Variants in DZIP1L observed in about 807,000 individuals in gnomAD.
DZIP1L encodes the protein DAZ interacting zinc finger protein 1 like.
DZIP1L carries 90 observed loss-of-function variants against 88.7 expected under a neutral mutation model. That is an observed-to-expected ratio of 1.02 (90% CI 0.86 to 1.21). DZIP1L has a LOEUF of 1.21. Among genes scored for constraint, DZIP1L ranks in the 50% most tolerant of loss-of-function variants. The pLI is 0.00. For missense variants in DZIP1L, 932 were observed against 955.8 expected, an observed-to-expected ratio of 0.98 and a Z score of 0.33; for synonymous variants, 363 against 372.1, an observed-to-expected ratio of 0.98 and a Z score of 0.28.
intron 9 of DZIP1L, among the ~76,000 whole-genome samples, chr3:138,081,187 G>C (rs1195298348): frequency 6.6e-6 from 1 of 152,080 alleles, no homozygotes; most frequent in Non-Finnish European, 1.5e-5. Context: ...GCTTCACAAG[G>C]GGCTGTCCAA....
intron 2 of DZIP1L, among the ~76,000 whole-genome samples, chr3:138,099,923 A>G (rs981347599): frequency 6.6e-6 from 1 of 152,200 alleles, no homozygotes; most frequent in Admixed American, 6.5e-5. Flanking sequence ...CTTTATTGCA[A>G]CACTAAACTT....
At chr3:138,104,086 G>A in intron 1 of DZIP1L, 34 bp from the exon 2 acceptor site, 1 of 1,482,080 alleles carries the variant, frequency 6.7e-7, no homozygotes. Context: ...AGTTAGGTGA[G>A]GTGTGTGTGG....
chr3:138,084,031 A>C, intron 8 of DZIP1L, 82 bp downstream of exon 8: 1 of 1,551,676 alleles, frequency 6.4e-7, no homozygotes, highest in Non-Finnish European at 8.7e-7. Flanking sequence ...AGCACTGATG[A>C]GCCCAAAAGA....
intron 3 of DZIP1L, among the ~76,000 whole-genome samples, chr3:138,095,686 G>A (rs1331776518): frequency 6.6e-6 from 1 of 152,100 alleles, no homozygotes; most frequent in Non-Finnish European, 1.5e-5. Flanking sequence ...GGAGGCTGAG[G>A]CAAAAGAATC....
intron 12 of DZIP1L, chr3:138,069,119 C>A (rs750559450): frequency 1.5e-5 from 12 of 778,666 alleles, no homozygotes; most frequent in Middle Eastern, 2.2e-4. Context: ...CTCTGCCACC[C>A]GTGAGACAGC....
intron 5 of DZIP1L, 86 bp from the exon 6 acceptor site, chr3:138,088,593 C>T (rs1189347625): frequency 7.5e-6 from 11 of 1,465,372 alleles, no homozygotes; most frequent in South Asian, 3.0e-5. Context: ...CAGAGGGGCA[C>T]GCCTTACCCA....
At chr3:138,113,093 TAACATTCA>T (rs2042644611) in intron 1 of DZIP1L, among the ~76,000 whole-genome samples, 1 of 152,222 alleles carries the variant, frequency 6.6e-6, no homozygotes, top group Non-Finnish European at 1.5e-5. Context: ...ATATTTGTGC[TAACATTCA>T]AACTTGCTTC....
chr3:138,071,571 G>C, intron 12 of DZIP1L, 72 bp downstream of exon 12: 2 of 1,525,646 alleles, frequency 1.3e-6, no homozygotes, highest in African/African-American at 1.4e-5. Flanking sequence ...CCCTCCTCAT[G>C]TGCAAACAAG....
chr3:138,063,031 C>T lies in DZIP1L; in HGVS notation c.2143-54G>A. On this transcript the variant is annotated intron_variant, in intron 15 of 15. Transcript: ENST00000327532. The surrounding 1 kb of genome is among the most constrained non-coding windows in gnomAD (Gnocchi z 4.1). ...GCATTTTGATAAGGGAGGAGGGTGGCTGAGAGCTAAGCACATTGCAGGATG... is the reference window on the plus strand; with the variant it reads ...GCATTTTGATAAGGGAGGAGGGTGGTTGAGAGCTAAGCACATTGCAGGATG... The T allele has an allele frequency of 6.3e-7, 1 of 1,592,810 alleles. No homozygotes were observed. The highest frequency in any genetic ancestry group is 8.5e-7 in the Non-Finnish European group (1 of 1,169,970).
chr3:138,066,949 G>A (rs1209309975), intron 14 of DZIP1L, among the ~76,000 whole-genome samples: 2 of 152,154 alleles, frequency 1.3e-5, no homozygotes, highest in Non-Finnish European at 2.9e-5. Flanking sequence ...CCTGTGGCTG[G>A]GGTTGGAGCC....
intron 4 of DZIP1L, among the ~76,000 whole-genome samples, chr3:138,093,548 AT>A (rs1224580868): frequency 6.6e-6 from 1 of 152,242 alleles, no homozygotes; most frequent in East Asian, 1.9e-4. Flanking sequence ...AAAGTTCTAG[AT>A]GGCTTATTCC....
chr3:138,068,188 G>A lies in DZIP1L; in HGVS notation c.1795C>T (p.Pro599Ser). ...APAPRPGLHG[P>S]SSTPPSSGPG... ...CCCGAGGAAGGAGGGGTGCTGGAGG[G>A]TCCATGCAGTCCGGGGCGTGGAGCG... The change falls in exon 13 of 16, where the codon CCC (proline) becomes TCC (serine). Residue 599 changes from proline to serine, a missense_variant. Physicochemically the swap from Pro to Ser is moderately conservative, Grantham distance 74 (BLOSUM62 -1). Coordinates refer to ENST00000327532, the MANE Select transcript of DZIP1L (RefSeq NM_173543.3). The A allele has an allele frequency of 6.4e-7, 1 of 1,572,688 alleles. No individual in the cohort carries two copies. The highest frequency in any genetic ancestry group is 8.6e-7 in the Non-Finnish European group (1 of 1,157,516).
chr3:138,079,310 A>C (rs1456731104), intron 10 of DZIP1L, among the ~76,000 whole-genome samples: 6 of 152,202 alleles, frequency 3.9e-5, no homozygotes, highest in Non-Finnish European at 7.3e-5. Context: ...CTCAAAAGTG[A>C]TACGCAATTC....
intron 1 of DZIP1L, chr3:138,108,327 T>C (rs2042553197): frequency 1.6e-6 from 1 of 624,788 alleles, no homozygotes; most frequent in African/African-American, 2.0e-5. Flanking sequence ...CTTCCTGATG[T>C]CCCAGCTCTC....
At position 138,101,442 on chromosome 3, in the gene DZIP1L, C is replaced by T. The variant is rs920757859; in HGVS notation, c.501+2029G>A. ...CCCCCGCTGGGCTCTGGGGCAGCCG[C>T]AGGAGGGGCAGGCTGGGAGGGGCTG... On this transcript the variant is annotated intron_variant, in intron 2 of 15. Coordinates refer to ENST00000327532, the MANE Select transcript of DZIP1L (RefSeq NM_173543.3). 3.2e-5 allele frequency: 23 copies of T among 726,292 alleles called. No homozygotes were observed. In the South Asian group the frequency reaches 3.4e-4, roughly 11 times the overall value. 45.0% of individuals were successfully genotyped at this position (726,292 alleles called of 1,614,324 possible).
At chr3:138,075,789 C>G (rs985126697) in intron 11 of DZIP1L, among the ~76,000 whole-genome samples, 1 of 152,064 alleles carries the variant, frequency 6.6e-6, no homozygotes, top group African/African-American at 2.4e-5. Context: ...ACCATCCTGG[C>G]AAACATGGTG....
intron 6 of DZIP1L, among the ~76,000 whole-genome samples, 200 bp from the exon 7 acceptor site, chr3:138,087,223 C>A (rs1943984688): frequency 6.6e-6 from 1 of 151,916 alleles, no homozygotes; most frequent in Non-Finnish European, 1.5e-5. Flanking sequence ...GGTGTTGGAA[C>A]AAATGGCTAG....
chr3:138,096,211 G>T (rs1180849901), intron 3 of DZIP1L, among the ~76,000 whole-genome samples: 1 of 152,138 alleles, frequency 6.6e-6, no homozygotes, highest in African/African-American at 2.4e-5. Context: ...TGAATAAAGA[G>T]GCCATGACCA....
In DZIP1L at chr3:138,088,384, T is replaced by C; in HGVS notation, c.994A>G (p.Ile332Val). 2 of 1,611,784 alleles carry C rather than the reference T, an allele frequency of 1.2e-6. No individual in the cohort carries two copies. The highest frequency in any genetic ancestry group is 8.5e-7 in the Non-Finnish European group (1 of 1,178,990). The change falls in exon 6 of 16, where the codon ATT becomes GTT. Residue 332 changes from isoleucine (I) to valine (V), a missense_variant. By Grantham distance (29) the Ile-to-Val change is conservative (BLOSUM62 3). Transcript: ENST00000327532. ...ELQALREKTE[I>V]QKTEWKRKVK... The stretch of plus-strand genomic sequence containing the variant: ...GGCATGGAGCATCAGCTCACCTGAA[T>C]TTCTGTCTTCTCTCTCAGGGCCTGA...
Sources: allele counts gnomAD v4.1 joint callset (sites outside exome capture counted in the v4.1 genomes callset), GRCh38; gene constraint gnomAD v4.1.1; non-coding constraint Gnocchi (gnomAD v3.1); transcripts MANE v1.5; gene names NCBI Gene and HGNC (gene_info 2026-07-23, HGNC 2026-07-21).